FBXO15: variants seen among roughly 807,000 people sequenced by gnomAD.
The protein encoded by FBXO15 is F-box protein 15, also known as F-box only protein 15.
In FBXO15, 30 loss-of-function variants were observed where a neutral mutation model predicts 49.5. The ratio of observed to expected loss-of-function variants is 0.61; its 90% CI spans 0.45 to 0.82. The LOEUF is 0.82. FBXO15 is among the 40% of genes least tolerant of loss of function. The probability of loss-of-function intolerance (pLI) is 0.00; values close to 1 mark genes in which losing one functional copy is unlikely to be tolerated. For synonymous variants in FBXO15, 250 were observed against 232.7 expected (o/e 1.07, Z -0.68); for missense variants, 591 against 631.5 (o/e 0.94, Z 0.69).
chr18:74,128,653 C>A (rs904264036), intron 5 of FBXO15, among the ~76,000 whole-genome samples: 1 of 152,176 alleles, frequency 6.6e-6, no homozygotes, highest in Non-Finnish European at 1.5e-5. Context: ...GATGAGGATG[C>A]TATGCATGCC....
At position 74,129,623 on chromosome 18, in the gene FBXO15, A is replaced by G; in HGVS notation, c.576-9T>C. The G allele has an allele frequency of 6.3e-7, 1 of 1,593,094 alleles. No individual in the cohort carries two copies. The highest frequency in any genetic ancestry group is 1.4e-5 in the African/African-American group (1 of 73,742). On this transcript the variant is annotated splice_polypyrimidine_tract_variant and intron_variant, in intron 4 of 9. Transcript: ENST00000419743. The stretch of plus-strand genomic sequence containing the variant: ...AACCTAAACCAAATATTCTGGAGAA[A>G]GAAAAAAAAACTAACAATGTTTGCC...
intron 8 of FBXO15, among the ~76,000 whole-genome samples, chr18:74,087,101 A>G (rs1912775788): frequency 6.6e-6 from 1 of 152,242 alleles, no homozygotes; most frequent in Non-Finnish European, 1.5e-5. Flanking sequence ...ATTCAAAAAT[A>G]CTTTATTGCT....
chr18:74,107,763 C>T (rs1011362878), intron 8 of FBXO15, among the ~76,000 whole-genome samples: 1 of 152,226 alleles, frequency 6.6e-6, no homozygotes, highest in East Asian at 1.9e-4. Context: ...GAAAAATATT[C>T]CTCTATTCCT....
At chr18:74,094,314 C>A (rs1391941700) in intron 8 of FBXO15, among the ~76,000 whole-genome samples, 2 of 152,124 alleles carry the variant, frequency 1.3e-5, no homozygotes, top group Non-Finnish European at 2.9e-5. Context: ...TGAATTCTTG[C>A]AAAATCTGGT....
chr18:74,136,549 G>A (rs1045978779), intron 2 of FBXO15, among the ~76,000 whole-genome samples: 6 of 152,132 alleles, frequency 3.9e-5, no homozygotes, highest in African/African-American at 1.4e-4. Flanking sequence ...CCGATCCCAG[G>A]CGCCACCTTC....
In FBXO15 at chr18:74,119,765, A is replaced by T. The variant is rs1402388635; in HGVS notation, c.1138+3603T>A. 2.6e-5 allele frequency among the ~76,000 whole-genome samples: 4 copies of T among 152,248 alleles called. No individual in the cohort carries two copies. In the South Asian group the frequency reaches 8.3e-4, roughly 32 times the overall value. ...AGAGTGGGGAGGACAGAAAAGGATA[A>T]GGCCAGAGAGGGGATGGCAGCAGTG... On this transcript the variant is annotated intron_variant, in intron 8 of 9. Coordinates refer to ENST00000419743, the MANE Select transcript of FBXO15 (RefSeq NM_001142958.2).
At chr18:74,094,608 C>T (rs2145132725) in intron 8 of FBXO15, among the ~76,000 whole-genome samples, 1 of 152,310 alleles carries the variant, frequency 6.6e-6, no homozygotes. Flanking sequence ...TGGACTTATT[C>T]AGTAAACCAT....
At chr18:74,076,936 T>C (rs1333905536) in intron 9 of FBXO15, among the ~76,000 whole-genome samples, 2 of 152,196 alleles carry the variant, frequency 1.3e-5, no homozygotes, top group East Asian at 1.9e-4. Flanking sequence ...CCATCTTCTC[T>C]TTGTCCATCT....
chr18:74,077,563 A>C (rs1912305690), intron 9 of FBXO15, among the ~76,000 whole-genome samples: 1 of 152,064 alleles, frequency 6.6e-6, no homozygotes, highest in Non-Finnish European at 1.5e-5. Context: ...GTTCCACAGC[A>C]CCCACTGCTT....
chr18:74,093,792 G>T (rs1423368141), intron 8 of FBXO15, among the ~76,000 whole-genome samples: 1 of 152,138 alleles, frequency 6.6e-6, no homozygotes, highest in Non-Finnish European at 1.5e-5. Context: ...TTGATATTTT[G>T]ACCTCCTCCC....
chr18:74,124,953 A>G (rs868390408), intron 6 of FBXO15, among the ~76,000 whole-genome samples: 4 of 152,216 alleles, frequency 2.6e-5, no homozygotes, highest in South Asian at 2.1e-4. Context: ...ACTGAACTTT[A>G]CTGACACAAT....
rs753045811 is a variant in FBXO15, at chr18:74,129,506, C to G, written c.684G>C (p.Trp228Cys). Reference protein sequence around the residue: ...SINDTSVTVIWYGKKWPCLAS... With the variant: ...SINDTSVTVICYGKKWPCLAS... The stretch of plus-strand genomic sequence containing the variant: ...CTAGGCATGGCCATTTTTTGCCATA[C>G]CATATAACAGTAACTGATGTGTCAT... The change falls in exon 5 of 10, where the codon TGG becomes TGC. Residue 228 changes from tryptophan to cysteine, a missense_variant. By Grantham distance (215) the Trp-to-Cys change is radical. Coordinates refer to ENST00000419743, the MANE Select transcript of FBXO15 (RefSeq NM_001142958.2). The G allele has an allele frequency of 6.2e-7, 1 of 1,613,772 alleles. No individual in the cohort carries two copies.
intron 9 of FBXO15, among the ~76,000 whole-genome samples, chr18:74,073,935 A>G (rs547852717): frequency 6.6e-6 from 1 of 152,296 alleles, no homozygotes; most frequent in East Asian, 1.9e-4. Flanking sequence ...TCATTCTCAA[A>G]TATACACAGG....
chr18:74,140,421 T>G (rs1978996986), intron 1 of FBXO15, 109 bp from the exon 2 acceptor site: 1 of 937,182 alleles, frequency 1.1e-6, no homozygotes. Flanking sequence ...GATTACTCAC[T>G]GAAAAACTTA....
chr18:74,074,092 G>A lies in FBXO15; in HGVS notation c.1264-362C>T, dbSNP rs534293539. 9.2e-5 allele frequency among the ~76,000 whole-genome samples: 14 copies of A among 152,258 alleles called. No homozygotes were observed. The highest frequency in any genetic ancestry group is 2.4e-4 in the African/African-American group (10 of 41,548). On this transcript the variant is annotated intron_variant, in intron 9 of 9. Transcript: ENST00000419743. The surrounding 1 kb of genome is among the most constrained non-coding windows in gnomAD (Gnocchi z 4.7). ...CAACAACCAGTCAGCGCTTCCGAGC[G>A]TGAGGCACCGCATCACCCTGAGAAG...
At chr18:74,093,264 G>GGC (rs1555676380) in intron 8 of FBXO15, among the ~76,000 whole-genome samples, 3 of 8,344 alleles carry the variant, frequency 3.6e-4, no homozygotes, top group South Asian at 0.017. Context: ...GCAAAACAAT[G>GGC]GGGGGGGGGT....
intron 1 of FBXO15, 112 bp downstream of exon 1, chr18:74,147,558 C>A (rs1289274115): frequency 1.6e-6 from 2 of 1,282,982 alleles, no homozygotes; most frequent in East Asian, 3.2e-5. Flanking sequence ...ACGTTGAAGA[C>A]GGCCACGGGC....
intron 8 of FBXO15, among the ~76,000 whole-genome samples, chr18:74,120,341 G>A (rs1339623658): frequency 1.3e-5 from 2 of 152,040 alleles, no homozygotes; most frequent in African/African-American, 4.8e-5. Flanking sequence ...TAATATTTTC[G>A]AACACTCTAC....
rs1172831169 is a variant in FBXO15 at position 74,108,257 on chromosome 18, T to C, written c.1138+15111A>G. ...TCAGACTGGGAATTTAAAACAACTA[T>C]GATTAACAGACTAAGGACTGTAAGA... On this transcript the variant is annotated intron_variant, in intron 8 of 9. Coordinates refer to ENST00000419743, the MANE Select transcript of FBXO15 (RefSeq NM_001142958.2). 2.0e-5 allele frequency among the ~76,000 whole-genome samples: 3 copies of C among 152,030 alleles called. No individual in the cohort carries two copies. The East Asian group carries it at 5.8e-4, about 29-fold the overall frequency.
Sources: gnomAD v4.1 joint callset for allele counts (sites outside exome capture counted in the v4.1 genomes callset) on GRCh38, gnomAD v4.1.1 for gene constraint, Gnocchi (gnomAD v3.1) non-coding constraint, MANE v1.5 for transcripts, NCBI Gene and HGNC (gene_info 2026-07-23, HGNC 2026-07-21) for gene names.